The following SPIDR variants were observed in gnomAD, a reference collection of about 807,000 sequenced individuals.
The protein encoded by SPIDR is DNA repair-scaffolding protein.
A neutral mutation model predicts 104.6 loss-of-function variants in SPIDR; 93 were observed. That is an observed-to-expected ratio of 0.89 (90% CI 0.75 to 1.06). The LOEUF (loss-of-function observed/expected upper bound fraction) is 1.06. SPIDR is among the 50% of genes least tolerant of loss of function. The pLI, the probability that SPIDR is intolerant of heterozygous loss-of-function variation, is 0.00. For synonymous variants in SPIDR, 431 were observed against 416.9 expected, an observed-to-expected ratio of 1.03 and a Z score of -0.41; for missense variants, 1,154 against 1,111.2, an observed-to-expected ratio of 1.04 and a Z score of -0.55.
At chr8:47,627,052 G>A (rs1271904694) in intron 10 of SPIDR, among the ~76,000 whole-genome samples, 1 of 152,136 alleles carries the variant, frequency 6.6e-6, no homozygotes, top group Non-Finnish European at 1.5e-5. Flanking sequence ...GGAATACTAT[G>A]CAGCCATAAA....
chr8:47,308,363 T>C (rs1322654528), intron 5 of SPIDR, among the ~76,000 whole-genome samples: 3 of 148,494 alleles, frequency 2.0e-5, no homozygotes, highest in Non-Finnish European at 4.5e-5. Flanking sequence ...ATGCCCGGCC[T>C]GCTGTTTTTT....
intron 8 of SPIDR, among the ~76,000 whole-genome samples, chr8:47,492,576 C>T (rs2078886389): frequency 1.3e-5 from 2 of 152,178 alleles, no homozygotes. Flanking sequence ...ATTTTCACTG[C>T]TGCCCTTTTA....
At chr8:47,324,894 T>C (rs1047737437) in intron 5 of SPIDR, among the ~76,000 whole-genome samples, 1 of 152,180 alleles carries the variant, frequency 6.6e-6, no homozygotes, top group African/African-American at 2.4e-5. Flanking sequence ...GTCCAGGTGC[T>C]GGCAGGGTTG....
At chr8:47,306,784 C>T (rs2043160004) in intron 5 of SPIDR, among the ~76,000 whole-genome samples, 1 of 152,144 alleles carries the variant, frequency 6.6e-6, no homozygotes, top group Admixed American at 6.5e-5. Flanking sequence ...TTAATTGGTG[C>T]ATAAATGTTT....
intron 8 of SPIDR, among the ~76,000 whole-genome samples, chr8:47,524,717 G>A (rs536012082): frequency 8.5e-5 from 13 of 152,340 alleles, no homozygotes; most frequent in Non-Finnish European, 1.6e-4. Flanking sequence ...GAACAAGAAA[G>A]GAGTTGCTAC....
chr8:47,601,784 G>A (rs2154426906), intron 10 of SPIDR, among the ~76,000 whole-genome samples: 1 of 152,322 alleles, frequency 6.6e-6, no homozygotes, highest in Admixed American at 6.5e-5. Flanking sequence ...AGAAGTGCAA[G>A]TGTTTTGCCC....
intron 6 of SPIDR, among the ~76,000 whole-genome samples, chr8:47,400,232 C>G (rs2061698574): frequency 6.6e-6 from 1 of 152,220 alleles, no homozygotes; most frequent in South Asian, 2.1e-4. Flanking sequence ...TGTTTAAGGT[C>G]AGGTCACTGT....
chr8:47,545,539 T>G (rs777457416), intron 8 of SPIDR, among the ~76,000 whole-genome samples: 8 of 152,176 alleles, frequency 5.3e-5, no homozygotes, highest in Non-Finnish European at 1.2e-4. Flanking sequence ...TTTTGTAGAT[T>G]CTTTCATAAC....
chr8:47,355,251 T>C (rs2054292029), intron 5 of SPIDR, among the ~76,000 whole-genome samples: 1 of 144,738 alleles, frequency 6.9e-6, no homozygotes, highest in Admixed American at 7.0e-5. Context: ...CCACCATGCC[T>C]GGCCGATGAA....
chr8:47,722,106 AG>A (rs1432381220), intron 16 of SPIDR, among the ~76,000 whole-genome samples: 2 of 152,204 alleles, frequency 1.3e-5, no homozygotes, highest in African/African-American at 4.8e-5. Flanking sequence ...ATATTTTGTT[AG>A]ATTTATACCT....
At chr8:47,690,153 T>A (rs2078432395) in intron 11 of SPIDR, among the ~76,000 whole-genome samples, 1 of 151,890 alleles carries the variant, frequency 6.6e-6, no homozygotes, top group African/African-American at 2.4e-5. Flanking sequence ...AGCGAGTGGA[T>A]CATGTGAGGC....
At chr8:47,278,092 T>TTC (rs1336172275) in intron 1 of SPIDR, among the ~76,000 whole-genome samples, 4 of 124,264 alleles carry the variant, frequency 3.2e-5, no homozygotes, top group Admixed American at 8.1e-5. Context: ...GTCATTTTCT[T>TTC]TCTCTTTTTT....
intron 1 of SPIDR, among the ~76,000 whole-genome samples, chr8:47,262,482 C>G (rs1471163802): frequency 6.6e-6 from 1 of 152,158 alleles, no homozygotes; most frequent in Non-Finnish European, 1.5e-5. Context: ...TTCAGGATCT[C>G]CCACAAGGCT....
rs184013627 is a variant in SPIDR, at chr8:47,360,928, A to G, written c.526-35448A>G. 3.6e-5 allele frequency: 35 copies of G among 985,302 alleles called. No homozygotes were observed. In the African/African-American group the frequency reaches 3.8e-4, roughly 11 times the overall value. 61.0% of individuals were successfully genotyped at this position (985,302 alleles called of 1,614,324 possible). A position where few individuals can be genotyped will look rare whatever the true frequency, so the allele number is the denominator to read the frequency against. On this transcript the variant is annotated intron_variant, in intron 5 of 19. Transcript: ENST00000297423. ...CATGGTAGGATAAGACTTTGATTCA[A>G]CCAGTACTTCTGGAGTGTATGGTGA...
intron 8 of SPIDR, among the ~76,000 whole-genome samples, chr8:47,504,619 CCTT>C (rs1471775069): frequency 2.6e-5 from 4 of 152,194 alleles, no homozygotes; most frequent in Non-Finnish European, 5.9e-5. Flanking sequence ...TCATCTGAAG[CCTT>C]CTTCTCTCAA....
At chr8:47,546,156 C>T (rs747279953) in intron 8 of SPIDR, among the ~76,000 whole-genome samples, 8 of 151,176 alleles carry the variant, frequency 5.3e-5, no homozygotes, top group African/African-American at 7.4e-5. Flanking sequence ...TCTTCTATTT[C>T]GTGAAAAAGA....
intron 16 of SPIDR, among the ~76,000 whole-genome samples, chr8:47,725,564 G>A (rs1480599057): frequency 6.6e-6 from 1 of 152,092 alleles, no homozygotes; most frequent in Admixed American, 6.5e-5. Flanking sequence ...GCTAATTTTT[G>A]TATTTTCAGT....
intron 7 of SPIDR, among the ~76,000 whole-genome samples, chr8:47,439,247 C>G (rs2068930067): frequency 6.6e-6 from 1 of 152,216 alleles, no homozygotes; most frequent in Non-Finnish European, 1.5e-5. Context: ...TCCTCTTTCT[C>G]TCTCCTTAGA....
intron 7 of SPIDR, among the ~76,000 whole-genome samples, chr8:47,417,195 T>C (rs571634817): frequency 6.6e-6 from 1 of 152,338 alleles, no homozygotes; most frequent in Non-Finnish European, 1.5e-5. Context: ...CCCTGAGGAA[T>C]CGCCACACTG....
Sources: gnomAD v4.1 joint callset for allele counts (sites outside exome capture counted in the v4.1 genomes callset) on GRCh38, gnomAD v4.1.1 for gene constraint, MANE v1.5 for transcripts, NCBI Gene and HGNC (gene_info 2026-07-23, HGNC 2026-07-21) for gene names.